Variants in CHRDL1 observed in about 807,000 individuals in gnomAD.
CHRDL1 encodes chordin like 1.
In CHRDL1, 19 loss-of-function variants were observed where a neutral mutation model predicts 40.9. The observed-to-expected ratio is 0.46, with a 90% confidence interval of 0.32 to 0.68. The LOEUF (loss-of-function observed/expected upper bound fraction) is 0.68, where lower values mean the gene tolerates loss of function less well. CHRDL1 is among the 30% of genes least tolerant of loss of function. CHRDL1 has a pLI of 0.03. For synonymous variants in CHRDL1, 136 were observed against 123.4 expected (o/e 1.10, Z -0.68); for missense variants, 329 against 352.1 (o/e 0.93, Z 0.53).
chrX:110,716,807 A>C (rs983124394), intron 6 of CHRDL1, among the ~76,000 whole-genome samples: 7 of 111,322 alleles, frequency 6.3e-5, no homozygotes, highest in African/African-American at 2.3e-4. Context: ...GGAGAAAAAG[A>C]ATTTTCCAGA....
At chrX:110,699,423 C>T (rs778127601) in intron 7 of CHRDL1, among the ~76,000 whole-genome samples, 22 of 111,734 alleles carry the variant, frequency 2.0e-4, no homozygotes, top group Admixed American at 1.9e-3. Flanking sequence ...TGGACTCCTG[C>T]CTCATATTCA....
intron 4 of CHRDL1, among the ~76,000 whole-genome samples, chrX:110,750,944 C>T (rs2089347952): frequency 8.9e-6 from 1 of 111,972 alleles, no homozygotes; most frequent in African/African-American, 3.2e-5. Flanking sequence ...ATGTTGCCCA[C>T]AGCCCTCTGG....
chrX:110,688,871 C>T, intron 8 of CHRDL1, 68 bp from the exon 9 acceptor site: 2 of 818,625 alleles, frequency 2.4e-6, no homozygotes, highest in Non-Finnish European at 3.7e-6. Flanking sequence ...ATTCAGAACC[C>T]AAGCCCTGAA....
chrX:110,678,744 TC>T (rs2069832377), intron 11 of CHRDL1, among the ~76,000 whole-genome samples: 1 of 110,905 alleles, frequency 9.0e-6, no homozygotes, highest in African/African-American at 3.3e-5. Flanking sequence ...GTGCCTTTTA[TC>T]CCATTAGAAG....
chrX:110,770,374 T>TGAAAAC lies in CHRDL1; in HGVS notation c.95-7573_95-7568dup, dbSNP rs1477098909. ...AAATTAGAAAGTATTTTGTACTAAA[T>TGAAAAC]GAAAACACAGCACATCATTTAGGGA... On this transcript the variant is annotated intron_variant, in intron 2 of 11. Coordinates refer to ENST00000372042, the MANE Select transcript of CHRDL1 (RefSeq NM_001143981.2). Among the ~76,000 whole-genome samples the TGAAAAC allele has an allele frequency of 1.1e-4, 12 of 109,974 alleles. No homozygotes were observed. In the Admixed American group the frequency reaches 1.2e-3, roughly 11 times the overall value.
At chrX:110,791,395 TCTC>T (rs1486792619) in intron 2 of CHRDL1, among the ~76,000 whole-genome samples, 2 of 111,551 alleles carry the variant, frequency 1.8e-5, no homozygotes, top group Admixed American at 9.5e-5. Context: ...TACTCATAAA[TCTC>T]CTAAACGTGG....
intron 8 of CHRDL1, among the ~76,000 whole-genome samples, chrX:110,692,420 A>G (rs1603137944): frequency 1.8e-5 from 2 of 111,996 alleles, no homozygotes. Context: ...GGGCAAATGA[A>G]TAAATGTAAA....
intron 9 of CHRDL1, among the ~76,000 whole-genome samples, chrX:110,684,292 A>T (rs1236260549): frequency 8.9e-6 from 1 of 112,060 alleles, no homozygotes; most frequent in African/African-American, 3.2e-5. Context: ...TTATCAGTGA[A>T]TTTTATTTAT....
chrX:110,717,163 T>C (rs1026808150), intron 6 of CHRDL1, among the ~76,000 whole-genome samples: 28 of 111,620 alleles, frequency 2.5e-4, no homozygotes, highest in East Asian at 2.0e-3. Flanking sequence ...GAATGAACGA[T>C]GGGGTCTGCT....
intron 6 of CHRDL1, among the ~76,000 whole-genome samples, chrX:110,714,046 A>T (rs942242639): frequency 1.2e-4 from 12 of 100,015 alleles, no homozygotes; most frequent in Non-Finnish European, 6.1e-5. Flanking sequence ...GAAGAGATTT[A>T]AAAAAAAAAA....
intron 6 of CHRDL1, 35 bp downstream of exon 6, chrX:110,719,800 C>A: frequency 2.2e-6 from 2 of 930,042 alleles, no homozygotes; most frequent in Non-Finnish European, 3.1e-6. Context: ...CACAGGATAG[C>A]AGCACCCAGG....
intron 4 of CHRDL1, among the ~76,000 whole-genome samples, chrX:110,744,911 A>T (rs1464402999): frequency 9.1e-6 from 1 of 109,636 alleles, no homozygotes; most frequent in East Asian, 2.9e-4. Context: ...TCCTCACAAC[A>T]GTCCTTTGAG....
intron 8 of CHRDL1, 81 bp from the exon 9 acceptor site, chrX:110,688,884 ACTT>A: frequency 2.9e-6 from 2 of 695,621 alleles, no homozygotes; most frequent in Admixed American, 4.8e-5. Flanking sequence ...GCCCTGAACT[ACTT>A]AACATATCAA....
intron 2 of CHRDL1, among the ~76,000 whole-genome samples, chrX:110,767,259 C>T (rs2089676932): frequency 9.0e-6 from 1 of 111,273 alleles, no homozygotes; most frequent in South Asian, 3.8e-4. Flanking sequence ...AAGTTGAAAG[C>T]ATTCCCTCTG....
intron 1 of CHRDL1, among the ~76,000 whole-genome samples, chrX:110,795,418 A>T (rs1259721698): frequency 1.8e-5 from 2 of 111,981 alleles, no homozygotes; most frequent in Admixed American, 1.9e-4. Context: ...GATTAAGGGG[A>T]CTGCAGAGTC....
intron 6 of CHRDL1, among the ~76,000 whole-genome samples, chrX:110,714,612 C>T (rs2070807921): frequency 9.0e-6 from 1 of 111,304 alleles, no homozygotes; most frequent in Non-Finnish European, 1.9e-5. Flanking sequence ...TCTGCCAACG[C>T]TCTCCTTGAC....
intron 5 of CHRDL1, among the ~76,000 whole-genome samples, chrX:110,720,806 C>T (rs778286744): frequency 9.0e-6 from 1 of 111,526 alleles, no homozygotes; most frequent in East Asian, 2.8e-4. Context: ...CTCCGGACTG[C>T]ATATTAGATA....
intron 5 of CHRDL1, among the ~76,000 whole-genome samples, chrX:110,720,932 G>A (rs2070939371): frequency 8.9e-6 from 1 of 111,851 alleles, no homozygotes; most frequent in Non-Finnish European, 1.9e-5. Flanking sequence ...AGGGCACTAG[G>A]AATTAACTGG....
At chrX:110,700,879 C>A (rs2070499021) in intron 6 of CHRDL1, among the ~76,000 whole-genome samples, 158 bp from the exon 7 acceptor site, 1 of 112,076 alleles carries the variant, frequency 8.9e-6, no homozygotes, top group African/African-American at 3.2e-5. Flanking sequence ...TGAAAGATTT[C>A]TCTGGGTGTG....
Sources: gnomAD v4.1 joint callset for allele counts (sites outside exome capture counted in the v4.1 genomes callset) on GRCh38, gnomAD v4.1.1 for gene constraint, MANE v1.5 for transcripts, NCBI Gene and HGNC (gene_info 2026-07-23, HGNC 2026-07-21) for gene names.